The following CUL1 variants were observed in gnomAD, a reference collection of about 807,000 sequenced individuals.
The protein encoded by CUL1 is cullin 1.
CUL1 carries 24 observed loss-of-function variants against 118.0 expected under a neutral mutation model. The observed-to-expected ratio is 0.20, with a 90% CI of 0.15 to 0.29. The LOEUF is 0.29. Ranked by LOEUF, CUL1 falls within the 10% of genes least tolerant of loss-of-function variation. The pLI, the probability that CUL1 is intolerant of heterozygous loss-of-function variation, is 1.00. For missense variants in CUL1, 361 were observed against 933.8 expected, an observed-to-expected ratio of 0.39 and a Z score of 7.99; for synonymous variants, 332 against 340.4, an observed-to-expected ratio of 0.98 and a Z score of 0.27.
intron 9 of CUL1, among the ~76,000 whole-genome samples, chr7:148,777,044 C>G (rs889673496): frequency 2.0e-5 from 3 of 152,190 alleles, no homozygotes; most frequent in African/African-American, 7.2e-5. Context: ...ATCTAGTCCA[C>G]CTACAGCCTC....
intron 9 of CUL1, among the ~76,000 whole-genome samples, chr7:148,771,183 C>T (rs1800199534): frequency 6.6e-6 from 1 of 152,138 alleles, no homozygotes; most frequent in South Asian, 2.1e-4. Context: ...ATGAAATAAA[C>T]TCCTTTGAGA....
chr7:148,732,779 T>C (rs1337961361), intron 2 of CUL1, among the ~76,000 whole-genome samples: 1 of 152,234 alleles, frequency 6.6e-6, no homozygotes, highest in Admixed American at 6.5e-5. Flanking sequence ...TAAATTCGTA[T>C]AATTTGTAGT....
At chr7:148,780,251 C>T (rs927178560) in intron 9 of CUL1, among the ~76,000 whole-genome samples, 3 of 151,996 alleles carry the variant, frequency 2.0e-5, no homozygotes, top group South Asian at 2.1e-4. Context: ...GCTGGTCGTG[C>T]GGGGAATGGA....
intron 2 of CUL1, among the ~76,000 whole-genome samples, chr7:148,749,557 G>A (rs243488): frequency 0.25 from 38,142 of 151,850 alleles, 5,588 homozygotes; most frequent in South Asian, 0.35. Flanking sequence ...GCTTTGAGGC[G>A]CCACACACTG....
chr7:148,712,938 C>G (rs2129459071), intron 1 of CUL1, among the ~76,000 whole-genome samples: 1 of 152,264 alleles, frequency 6.6e-6, no homozygotes, highest in South Asian at 2.1e-4. Flanking sequence ...TAACCCAGCA[C>G]CCACACAGAC....
At chr7:148,775,513 A>T (rs979861906) in intron 9 of CUL1, among the ~76,000 whole-genome samples, 1 of 152,182 alleles carries the variant, frequency 6.6e-6, no homozygotes, top group Non-Finnish European at 1.5e-5. Flanking sequence ...ATATTAAAAC[A>T]TTTTTTTAAG....
chr7:148,791,351 T>G (rs1329181463), intron 16 of CUL1, among the ~76,000 whole-genome samples: 1 of 152,236 alleles, frequency 6.6e-6, no homozygotes, highest in Admixed American at 6.5e-5. Flanking sequence ...CTCAAGCTGC[T>G]CATTAATTTA....
intron 2 of CUL1, among the ~76,000 whole-genome samples, chr7:148,749,414 T>C (rs201810336): frequency 2.0e-4 from 3 of 14,756 alleles, no homozygotes; most frequent in African/African-American, 8.2e-4. Flanking sequence ...AGACTCCATC[T>C]CAAAAAAAAA....
chr7:148,797,327 C>T (rs1156565287), intron 17 of CUL1, among the ~76,000 whole-genome samples: 2 of 150,448 alleles, frequency 1.3e-5, no homozygotes, highest in Non-Finnish European at 2.9e-5. Context: ...GTTCAACATC[C>T]CTAATCCAAA....
In CUL1 at chr7:148,760,378, C is replaced by T. The variant is rs1053588012; in HGVS notation, c.671C>T (p.Thr224Met). The T allele has an allele frequency of 1.9e-6, 3 of 1,612,892 alleles. No homozygotes were observed. Among genetic ancestry groups the T allele is most frequent in the East Asian group, 2.2e-5 (1 of 44,738 alleles). Residue 224 changes from threonine to methionine, a missense_variant, in exon 7 of 22, where the codon ACG becomes ATG. By Grantham distance (81) the Thr-to-Met change is moderately conservative. Coordinates refer to ENST00000325222, the MANE Select transcript of CUL1 (RefSeq NM_003592.3). ...NEDDAFAKGP[T>M]LTVYKESFES... ...GATGATGCATTTGCAAAGGGCCCTA[C>T]GTTAACAGTGTATAAAGAATCCTTT... is the stretch of plus-strand genomic sequence containing the variant.
intron 1 of CUL1, among the ~76,000 whole-genome samples, chr7:148,726,592 GGAA>G (rs1798592450): frequency 1.3e-5 from 2 of 152,046 alleles, no homozygotes; most frequent in South Asian, 4.2e-4. Context: ...CTTTAAAAAC[GGAA>G]GAACCTAAAA....
intron 9 of CUL1, 33 bp from the exon 10 acceptor site, chr7:148,783,750 C>G: frequency 6.2e-7 from 1 of 1,607,726 alleles, no homozygotes; most frequent in Non-Finnish European, 8.5e-7. Context: ...CCCCAATAAC[C>G]AACTTTTGTT....
chr7:148,709,434 T>TA (rs1280190450), intron 1 of CUL1, among the ~76,000 whole-genome samples: 1 of 152,206 alleles, frequency 6.6e-6, no homozygotes, highest in Non-Finnish European at 1.5e-5. Context: ...TAAAGTAAGT[T>TA]TATTATATAT....
chr7:148,730,330 T>G lies in CUL1; in HGVS notation c.140+68T>G, dbSNP rs1798717801. 5.4e-6 allele frequency: 8 copies of G among 1,469,474 alleles called. No individual in the cohort carries two copies. In the South Asian group the frequency reaches 1.1e-4, roughly 20 times the overall value. 91.0% of individuals were successfully genotyped at this position (1,469,474 alleles called of 1,614,324 possible). ...TTATTTACTAGTATGACTTATGAAT[T>G]ATTAGAATTTTATATTGTTTTCTCC... On this transcript the variant is annotated intron_variant, in intron 2 of 21. Coordinates refer to ENST00000325222, the MANE Select transcript of CUL1 (RefSeq NM_003592.3).
chr7:148,780,235 G>A (rs1250930548), intron 9 of CUL1, among the ~76,000 whole-genome samples: 2 of 152,218 alleles, frequency 1.3e-5, no homozygotes, highest in African/African-American at 4.8e-5. Flanking sequence ...GCCCACTGGA[G>A]ACTGGGCTGG....
rs1203417069 is a variant in CUL1 at position 148,778,070 on chromosome 7, C to CAAAAAAAAAAAAA, written c.1084-5698_1084-5686dup. Among the ~76,000 whole-genome samples the CAAAAAAAAAAAAA allele has an allele frequency of 5.5e-3, 76 of 13,760 alleles. 2 individuals are homozygous for CAAAAAAAAAAAAA. Among genetic ancestry groups the CAAAAAAAAAAAAA allele is most frequent in the Non-Finnish European group, 6.5e-3 (46 of 7,040 alleles). 9.0% of individuals were successfully genotyped at this position (13,760 alleles called of 152,430 possible). A position where few individuals can be genotyped will look rare whatever the true frequency, so the allele number is the denominator to read the frequency against. ...AGGGTGACAGAAGAAGACCCTGTCT[C>CAAAAAAAAAAAAA]AAAAAAAAAAAAAAAAAAAAAAAAA... On this transcript the variant is annotated intron_variant, in intron 9 of 21. Transcript: ENST00000325222.
intron 2 of CUL1, among the ~76,000 whole-genome samples, chr7:148,736,469 A>C (rs890558233): frequency 4.0e-5 from 6 of 151,722 alleles, no homozygotes; most frequent in Non-Finnish European, 7.4e-5. Context: ...CACCACACCT[A>C]ATTTTTTATT....
At chr7:148,760,811 T>G (rs1799803680) in intron 7 of CUL1, among the ~76,000 whole-genome samples, 1 of 152,222 alleles carries the variant, frequency 6.6e-6, no homozygotes, top group African/African-American at 2.4e-5. Context: ...ATGAGAAAAT[T>G]TTAAGAAACA....
chr7:148,782,360 T>G (rs1800669597), intron 9 of CUL1, among the ~76,000 whole-genome samples: 1 of 152,234 alleles, frequency 6.6e-6, no homozygotes, highest in Non-Finnish European at 1.5e-5. Flanking sequence ...GGAAGAAGTT[T>G]CCCTACGTCT....
Sources: allele counts gnomAD v4.1 joint callset (sites outside exome capture counted in the v4.1 genomes callset), GRCh38; gene constraint gnomAD v4.1.1; transcripts MANE v1.5; gene names NCBI Gene and HGNC (gene_info 2026-07-23, HGNC 2026-07-21).